The following CLDN16 variants were observed in gnomAD, a reference collection of about 807,000 sequenced individuals.
CLDN16 encodes claudin-16.
A neutral mutation model predicts 24.6 loss-of-function variants in CLDN16; 13 were observed. The observed-to-expected ratio is 0.53, with a 90% confidence interval of 0.34 to 0.84. The LOEUF (loss-of-function observed/expected upper bound fraction) is 0.84. Among genes scored for constraint, CLDN16 ranks in the 40% least tolerant of loss-of-function variants. The pLI, the probability that CLDN16 is intolerant of heterozygous loss-of-function variation, is 0.01. For synonymous variants in CLDN16, 116 were observed against 106.7 expected (o/e 1.09, Z -0.54); for missense variants, 298 against 292.7 (o/e 1.02, Z -0.13).
chr3:190,295,691 C>T, the CLDN16 span, among the ~76,000 whole-genome samples: 1 of 152,166 alleles, frequency 6.6e-6, no homozygotes, highest in African/African-American at 2.4e-5. Context: ...TTGGGCAAAA[C>T]TCTTCTTTTT....
the CLDN16 span, among the ~76,000 whole-genome samples, chr3:190,291,600 A>C: frequency 6.6e-6 from 1 of 152,254 alleles, no homozygotes; most frequent in Non-Finnish European, 1.5e-5. Flanking sequence ...TAGAAACACA[A>C]AGCAAAACCA....
rs1719240061 is a variant in CLDN16, at chr3:190,410,166, A to C, written c.*130A>C. On this transcript the variant is annotated 3_prime_UTR_variant, in exon 5 of 5. Transcript: ENST00000264734. ...AATTAAATTAATTGCTAGCTTAATC[A>C]AAATGTTTGATTCTCCTATACTTTT... 9.3e-7 allele frequency: 1 copy of C among 1,075,266 alleles called. No homozygotes were observed. The highest frequency in any genetic ancestry group is 1.3e-5 in the South Asian group (1 of 74,920). The allele number at this position is 1,075,266 out of a possible 1,614,324, so 66.6% of individuals were successfully genotyped here.
At chr3:190,362,229 G>C (rs1373532700) in intron 1 of CLDN16, among the ~76,000 whole-genome samples, 2 of 151,890 alleles carry the variant, frequency 1.3e-5, no homozygotes, top group East Asian at 3.9e-4. Context: ...TGTTACTCCA[G>C]ACAGTGAGGC....
At position 190,348,087 on chromosome 3, in the gene CLDN16, C is replaced by CAA. The variant is rs777398020; in HGVS notation, n.122-22788_122-22787dup. ...TGAAACCCCGTCTCTACTGAAAATA[C>CAA]AAAAAAAAAAAAAAAAAAATTAGCT... On this transcript the variant is annotated intron_variant and non_coding_transcript_variant, in intron 1 of 4. Transcript: ENST00000468220. Among the ~76,000 whole-genome samples the CAA allele has an allele frequency of 5.4e-3, 529 of 97,418 alleles. 9 individuals are homozygous for CAA. Among genetic ancestry groups the CAA allele is most frequent in the African/African-American group, 0.016 (444 of 27,032 alleles). The allele number at this position is 97,418 out of a possible 152,430, so 63.9% of individuals were successfully genotyped here. A position where few individuals can be genotyped will look rare whatever the true frequency, so the allele number is the denominator to read the frequency against.
chr3:190,392,278 T>A (rs1718698940), intron 1 of CLDN16, among the ~76,000 whole-genome samples: 1 of 152,092 alleles, frequency 6.6e-6, no homozygotes, highest in Non-Finnish European at 1.5e-5. Context: ...CTTCCTCTTC[T>A]TTATTCCCCC....
chr3:190,404,563 G>C (rs540472429), intron 2 of CLDN16, among the ~76,000 whole-genome samples, 199 bp from the exon 3 acceptor site: 1 of 152,248 alleles, frequency 6.6e-6, no homozygotes, highest in East Asian at 1.9e-4. Context: ...GGTTAAACAA[G>C]CAATAATGTC....
intron 1 of CLDN16, among the ~76,000 whole-genome samples, chr3:190,324,811 G>T (rs1282841492): frequency 6.6e-6 from 1 of 152,150 alleles, no homozygotes; most frequent in Non-Finnish European, 1.5e-5. Flanking sequence ...GCAGAGGACA[G>T]GTGAGATAAT....
At chr3:190,377,272 G>A (rs768612464) in intron 3 of CLDN16, among the ~76,000 whole-genome samples, 1 of 151,942 alleles carries the variant, frequency 6.6e-6, no homozygotes, top group Non-Finnish European at 1.5e-5. Context: ...TAAAAAGATA[G>A]GAATGTGGTA....
chr3:190,409,126 G>A (rs1166682010), intron 4 of CLDN16, among the ~76,000 whole-genome samples: 4 of 150,814 alleles, frequency 2.7e-5, no homozygotes, highest in Non-Finnish European at 5.9e-5. Context: ...ATTTTTAATG[G>A]TAATTGGAAT....
At chr3:190,402,502 G>A (rs1450724135) in intron 2 of CLDN16, 63 bp downstream of exon 2, 22 of 1,294,160 alleles carry the variant, frequency 1.7e-5, no homozygotes, top group Non-Finnish European at 2.4e-5. Context: ...CTGAGTTCAG[G>A]TTTCCATTTT....
chr3:190,400,680 C>T (rs949523116), intron 1 of CLDN16, among the ~76,000 whole-genome samples: 1 of 152,092 alleles, frequency 6.6e-6, no homozygotes, highest in Non-Finnish European at 1.5e-5. Flanking sequence ...AATAGTATTC[C>T]ATTGTGTAGA....
rs767846686 is a variant in CLDN16 at position 190,388,304 on chromosome 3, G to A, written c.-26G>A. ...GCCAGGGCTGGTGTCTGCCCATGTT[G>A]CCATCCTGATGGGCTGCTTGCCACA... is the stretch of plus-strand genomic sequence containing the variant. On this transcript the variant is annotated 5_prime_UTR_variant, in exon 1 of 5. Transcript: ENST00000264734. The A allele has an allele frequency of 3.7e-6, 6 of 1,614,114 alleles. No homozygotes were observed. The highest frequency in any genetic ancestry group is 5.1e-6 in the Non-Finnish European group (6 of 1,180,020).
intron 3 of CLDN16, among the ~76,000 whole-genome samples, chr3:190,382,578 C>G: frequency 6.6e-6 from 1 of 152,068 alleles, no homozygotes; most frequent in East Asian, 1.9e-4. Flanking sequence ...GAACCCCCAC[C>G]AAACCAGACC....
chr3:190,398,426 G>A (rs969054494), intron 1 of CLDN16, among the ~76,000 whole-genome samples: 1 of 152,148 alleles, frequency 6.6e-6, no homozygotes, highest in African/African-American at 2.4e-5. Context: ...CAATGTCTCT[G>A]CCTCAGAGGT....
At chr3:190,360,154 C>T (rs1055879557) in intron 1 of CLDN16, among the ~76,000 whole-genome samples, 8 of 151,786 alleles carry the variant, frequency 5.3e-5, no homozygotes, top group Admixed American at 2.0e-4. Flanking sequence ...GTATAGATGC[C>T]CAAAGAAATA....
At chr3:190,321,182 T>G (rs79345408), upstream of CLDN16, among the ~76,000 whole-genome samples, 19,756 of 152,216 alleles carry the variant, frequency 0.13, 1,397 homozygotes, top group Middle Eastern at 0.22. Flanking sequence ...CTATGACTAT[T>G]TTGCTGCATT....
chr3:190,324,208 C>A (rs182121201), intron 1 of CLDN16, among the ~76,000 whole-genome samples: 2 of 152,144 alleles, frequency 1.3e-5, no homozygotes, highest in Non-Finnish European at 2.9e-5. Context: ...TCAGGCCAGG[C>A]GCAGTGGCTC....
intron 1 of CLDN16, among the ~76,000 whole-genome samples, chr3:190,336,118 A>G (rs75181418): frequency 0.071 from 10,742 of 152,184 alleles, 567 homozygotes; most frequent in African/African-American, 0.14. Flanking sequence ...GAGAAAAAAA[A>G]ATGACTAATC....
chr3:190,345,606 G>C (rs976888989), intron 1 of CLDN16, among the ~76,000 whole-genome samples: 1 of 152,034 alleles, frequency 6.6e-6, no homozygotes, highest in African/African-American at 2.4e-5. Flanking sequence ...GCAGCATAAT[G>C]CTCTCTAGAA....
Sources: gnomAD v4.1 joint callset for allele counts (sites outside exome capture counted in the v4.1 genomes callset) on GRCh38, gnomAD v4.1.1 for gene constraint, MANE v1.5 for transcripts, NCBI Gene and HGNC (gene_info 2026-07-23, HGNC 2026-07-21) for gene names.